The following STAU2 variants were observed in gnomAD, a reference collection of about 807,000 sequenced individuals.
STAU2 encodes the protein double-stranded RNA-binding protein Staufen homolog 2.
Under a neutral mutation model 65.9 loss-of-function variants are expected in STAU2, and 20 were observed. The observed-to-expected ratio is 0.30, with a 90% CI of 0.21 to 0.44. The LOEUF (loss-of-function observed/expected upper bound fraction) is 0.44. Ranked by LOEUF, STAU2 falls within the 20% of genes least tolerant of loss-of-function variation. The pLI, the probability that STAU2 is intolerant of heterozygous loss-of-function variation, is 1.00. For missense variants in STAU2, 558 were observed against 683.9 expected (o/e 0.82, Z 2.05); for synonymous variants, 232 against 233.9 (o/e 0.99, Z 0.07).
rs74352570 is a variant in STAU2, at chr8:73,483,946, C to T, written c.1531-61244G>A. Among the ~76,000 whole-genome samples, 151 of 152,168 alleles carry T rather than the reference C, an allele frequency of 9.9e-4. 3 individuals carry two copies. The East Asian group carries it at 0.023, about 24-fold the overall frequency. ...CTTGCTAGTTCTTTTCTTTTAAATG[C>T]TAAGGATTTTGTTTCAGCCACAGCG... On this transcript the variant is annotated intron_variant, in intron 13 of 14. Transcript: ENST00000524300.
At chr8:73,458,176 C>A (rs1209674329) in intron 13 of STAU2, among the ~76,000 whole-genome samples, 1 of 152,192 alleles carries the variant, frequency 6.6e-6, no homozygotes, top group Admixed American at 6.5e-5. Flanking sequence ...CATTAAAATT[C>A]TCAGCTTTAC....
intron 6 of STAU2, among the ~76,000 whole-genome samples, chr8:73,624,063 A>C (rs1184621900): frequency 6.6e-6 from 1 of 152,060 alleles, no homozygotes; most frequent in Non-Finnish European, 1.5e-5. Flanking sequence ...GGTGTTTTGA[A>C]ATGATAGCAT....
At chr8:73,646,737 A>C (rs1815401712) in intron 6 of STAU2, among the ~76,000 whole-genome samples, 1 of 152,116 alleles carries the variant, frequency 6.6e-6, no homozygotes, top group Non-Finnish European at 1.5e-5. Context: ...CAAAATAAAA[A>C]ACTTCTGCTC....
intron 13 of STAU2, among the ~76,000 whole-genome samples, chr8:73,464,326 G>A (rs750441229): frequency 4.6e-5 from 7 of 152,038 alleles, no homozygotes; most frequent in South Asian, 2.1e-4. Flanking sequence ...AGGTCCTTGC[G>A]GCTGCTTACT....
At chr8:73,611,196 CATATT>C (rs1239565448) in intron 9 of STAU2, among the ~76,000 whole-genome samples, 4 of 152,176 alleles carry the variant, frequency 2.6e-5, no homozygotes, top group African/African-American at 9.7e-5. Context: ...CATTTACTGA[CATATT>C]ATAAGGTATG....
chr8:73,699,951 C>G (rs1010443127), intron 4 of STAU2, among the ~76,000 whole-genome samples: 1 of 148,776 alleles, frequency 6.7e-6, no homozygotes, highest in Non-Finnish European at 1.5e-5. Flanking sequence ...CCTAATCCAA[C>G]AATACATTTA....
At chr8:73,484,492 T>C (rs1820807316) in intron 13 of STAU2, among the ~76,000 whole-genome samples, 1 of 152,098 alleles carries the variant, frequency 6.6e-6, no homozygotes, top group Non-Finnish European at 1.5e-5. Context: ...TCTTGCAGAG[T>C]AGAACTCGGC....
intron 11 of STAU2, among the ~76,000 whole-genome samples, 162 bp downstream of exon 11, chr8:73,595,004 T>C (rs930617238): frequency 6.6e-6 from 1 of 152,240 alleles, no homozygotes; most frequent in Non-Finnish European, 1.5e-5. Flanking sequence ...CATTAATATC[T>C]CATCTTACTC....
chr8:73,689,873 A>G (rs2130532500), intron 4 of STAU2, among the ~76,000 whole-genome samples: 1 of 152,232 alleles, frequency 6.6e-6, no homozygotes, highest in Admixed American at 6.5e-5. Context: ...ATCAACAACC[A>G]TGTACAATTC....
chr8:73,478,561 T>C (rs1189435009), intron 13 of STAU2, among the ~76,000 whole-genome samples: 1 of 152,152 alleles, frequency 6.6e-6, no homozygotes, highest in Non-Finnish European at 1.5e-5. Flanking sequence ...TTTACATAAG[T>C]ATATTTCAAG....
intron 13 of STAU2, among the ~76,000 whole-genome samples, chr8:73,546,261 C>G (rs1327663784): frequency 6.6e-6 from 1 of 151,514 alleles, no homozygotes; most frequent in African/African-American, 2.4e-5. Flanking sequence ...GCCACCATGC[C>G]CAGCCAAGGA....
intron 6 of STAU2, among the ~76,000 whole-genome samples, chr8:73,658,618 T>C (rs112391739): frequency 0.013 from 1,947 of 151,898 alleles, 45 homozygotes; most frequent in African/African-American, 0.044. Context: ...AAATTTGTTT[T>C]AAAAACCATA....
chr8:73,734,232 T>G (rs1806267773), intron 3 of STAU2, among the ~76,000 whole-genome samples: 1 of 102,106 alleles, frequency 9.8e-6, no homozygotes, highest in Non-Finnish European at 2.3e-5. Flanking sequence ...TTTCAGGGTT[T>G]GTTTTTTTTT....
intron 13 of STAU2, among the ~76,000 whole-genome samples, chr8:73,424,457 T>G (rs1290558452): frequency 6.6e-6 from 1 of 152,064 alleles, no homozygotes; most frequent in Admixed American, 6.5e-5. Context: ...CACCTTGGCC[T>G]CCCAAACTGC....
chr8:73,514,202 C>T (rs979933514), intron 13 of STAU2, among the ~76,000 whole-genome samples: 4 of 152,146 alleles, frequency 2.6e-5, no homozygotes, highest in African/African-American at 9.7e-5. Context: ...TGCAATGTCT[C>T]TTTAGGAGAG....
chr8:73,619,327 A>C (rs1295283132), intron 6 of STAU2, among the ~76,000 whole-genome samples: 1 of 152,228 alleles, frequency 6.6e-6, no homozygotes, highest in African/African-American at 2.4e-5. Flanking sequence ...AACTTAGCAA[A>C]ATAAACAGAA....
chr8:73,688,834 CAAAG>C, intron 4 of STAU2, 21 bp from the exon 5 acceptor site: 1 of 1,605,756 alleles, frequency 6.2e-7, no homozygotes, highest in Non-Finnish European at 8.5e-7. Flanking sequence ...CATAAATAGA[CAAAG>C]AAAACATTAA....
intron 6 of STAU2, among the ~76,000 whole-genome samples, chr8:73,626,009 A>G (rs1813606842): frequency 6.6e-6 from 1 of 151,950 alleles, no homozygotes; most frequent in Non-Finnish European, 1.5e-5. Flanking sequence ...TCATGCTGGG[A>G]TGGAGTTTTA....
chr8:73,530,165 G>A (rs1054720198), intron 13 of STAU2, among the ~76,000 whole-genome samples: 3 of 152,134 alleles, frequency 2.0e-5, no homozygotes, highest in South Asian at 4.1e-4. Flanking sequence ...CATGCCAGCT[G>A]TAGCCTGCAA....
Sources: gnomAD v4.1 joint callset for allele counts (sites outside exome capture counted in the v4.1 genomes callset) on GRCh38, gnomAD v4.1.1 for gene constraint, MANE v1.5 for transcripts, NCBI Gene and HGNC (gene_info 2026-07-23, HGNC 2026-07-21) for gene names.